Variants in TMEM161A observed in about 807,000 individuals in gnomAD.
The protein encoded by TMEM161A is adaptive response to oxidative stress protein 29.
In TMEM161A, 46 loss-of-function variants were observed where a neutral mutation model predicts 57.1. The observed-to-expected ratio is 0.81, with a 90% CI of 0.64 to 1.03. The LOEUF (loss-of-function observed/expected upper bound fraction) is 1.03, where lower values mean the gene tolerates loss of function less well. TMEM161A is among the 50% of genes least tolerant of loss of function. The pLI is 0.00. For missense variants in TMEM161A, 601 were observed against 621.5 expected (o/e 0.97, Z 0.35); for synonymous variants, 288 against 279.0 (o/e 1.03, Z -0.32).
intron 6 of TMEM161A, among the ~76,000 whole-genome samples, chr19:19,122,288 C>A (rs1342696849): frequency 6.6e-6 from 1 of 151,972 alleles, no homozygotes; most frequent in Non-Finnish European, 1.5e-5. Context: ...GAGTGAAACT[C>A]AGTCTCAAAG....
At chr19:19,124,501 G>T (rs2059922752) in intron 6 of TMEM161A, among the ~76,000 whole-genome samples, 1 of 152,170 alleles carries the variant, frequency 6.6e-6, no homozygotes. Flanking sequence ...CTGTGCAATT[G>T]AGCTAGAAAT....
chr19:19,138,374 C>T lies in TMEM161A; in HGVS notation c.3+52G>A, dbSNP rs1001499764. 1.9e-6 allele frequency: 3 copies of T among 1,585,254 alleles called. No individual in the cohort carries two copies. In the African/African-American group the frequency reaches 4.1e-5, roughly 21 times the overall value. On this transcript the variant is annotated intron_variant, in intron 1 of 11. Coordinates refer to ENST00000162044, the MANE Select transcript of TMEM161A (RefSeq NM_017814.3). ...CCCTCAGTGTCTCCCTGGACCCCTT[C>T]GGCTGGACCTCGGCCCTGCAGAACC...
At chr19:19,123,150 A>G (rs2059917989) in intron 6 of TMEM161A, among the ~76,000 whole-genome samples, 1 of 152,226 alleles carries the variant, frequency 6.6e-6, no homozygotes, top group Non-Finnish European at 1.5e-5. Context: ...CAGAAAAACA[A>G]GTAGGTGAGA....
chr19:19,132,643 G>A lies in TMEM161A; in HGVS notation c.286+14C>T. 1 of 1,563,646 alleles carries A rather than the reference G, an allele frequency of 6.4e-7. No individual in the cohort carries two copies. Among genetic ancestry groups the A allele is most frequent in the Non-Finnish European group, 8.7e-7 (1 of 1,154,130 alleles). ...CTGAGGGAGTAGAGTTTAGGGATGG[G>A]ACTGGGCTATTACCCAGGGCATCCA... On this transcript the variant is annotated intron_variant, in intron 4 of 11. Transcript: ENST00000162044. This position sits in a 1 kb window ranked among gnomAD's most constrained non-coding sequence, Gnocchi z 4.3.
intron 1 of TMEM161A, among the ~76,000 whole-genome samples, chr19:19,136,003 C>T (rs1269327164): frequency 6.6e-6 from 1 of 151,714 alleles, no homozygotes; most frequent in Non-Finnish European, 1.5e-5. Flanking sequence ...TGTGCCAACA[C>T]ACCCAGCTAA....
At chr19:19,122,288 C>G (rs1342696849) in intron 6 of TMEM161A, among the ~76,000 whole-genome samples, 1 of 151,972 alleles carries the variant, frequency 6.6e-6, no homozygotes, top group Non-Finnish European at 1.5e-5. Context: ...GAGTGAAACT[C>G]AGTCTCAAAG....
chr19:19,133,497 A>G (rs1280864171), intron 2 of TMEM161A: 2 of 369,736 alleles, frequency 5.4e-6, no homozygotes, highest in Non-Finnish European at 4.9e-6. Context: ...TTTGAGACAG[A>G]GTCTCCCTCT....
At chr19:19,136,780 C>T (rs934302704) in intron 1 of TMEM161A, among the ~76,000 whole-genome samples, 9 of 151,920 alleles carry the variant, frequency 5.9e-5, no homozygotes, top group Non-Finnish European at 1.5e-5. Context: ...AGGTTGGTGG[C>T]GGCATCTTTC....
At chr19:19,122,766 C>A (rs1199228179) in intron 6 of TMEM161A, among the ~76,000 whole-genome samples, 966 of 117,722 alleles carry the variant, frequency 8.2e-3, no homozygotes, top group East Asian at 0.01. Context: ...AAGACCTTGT[C>A]AAAAAAAAAA....
At chr19:19,123,671 GA>G (rs1481461599) in intron 6 of TMEM161A, among the ~76,000 whole-genome samples, 1 of 152,144 alleles carries the variant, frequency 6.6e-6, no homozygotes, top group Non-Finnish European at 1.5e-5. Context: ...CTGGAAGACT[GA>G]AAGTAAAGGG....
intron 5 of TMEM161A, among the ~76,000 whole-genome samples, chr19:19,130,862 G>A (rs1568537500): frequency 6.6e-6 from 1 of 151,996 alleles, no homozygotes; most frequent in African/African-American, 2.4e-5. Flanking sequence ...GTTTGAAGCT[G>A]CAGTGAGCCC....
rs777661239 is a variant in TMEM161A at position 19,121,871 on chromosome 19, G to C, written c.596-52C>G. On this transcript the variant is annotated intron_variant, in intron 6 of 11. Transcript: ENST00000162044. The surrounding 1 kb of genome is among the most constrained non-coding windows in gnomAD (Gnocchi z 5.8). ...TAGAGTGAATTCCTAGGGTCTCTAA[G>C]GCCACTCTGTTCCCTAACCCCCCAT... The C allele has an allele frequency of 6.3e-7, 1 of 1,597,816 alleles. No homozygotes were observed. Among genetic ancestry groups the C allele is most frequent in the Non-Finnish European group, 8.6e-7 (1 of 1,169,360 alleles).
rs1447379280 is a variant in TMEM161A, at chr19:19,125,542, A to T, written c.596-3723T>A. Among the ~76,000 whole-genome samples, 4 of 109,468 alleles carry T rather than the reference A, an allele frequency of 3.7e-5. No individual in the cohort carries two copies. In the Admixed American group the frequency reaches 4.4e-4, roughly 12 times the overall value. The allele number at this position is 109,468 out of a possible 152,430, so 71.8% of individuals were successfully genotyped here. ...TTTTTTTTTTTTTTTTTTTAGACGGAGTCTCGCTCTGTTGCCCAGGCTGGA... is the reference window on the plus strand; with the variant it reads ...TTTTTTTTTTTTTTTTTTTAGACGGTGTCTCGCTCTGTTGCCCAGGCTGGA... On this transcript the variant is annotated intron_variant, in intron 6 of 11. Coordinates refer to ENST00000162044, the MANE Select transcript of TMEM161A (RefSeq NM_017814.3).
Position 19,132,538 on chromosome 19 carries a change from G to T in TMEM161A, c.287-30C>A. Reference sequence around the variant, plus strand: ...GGGGGGCACTCTGCTCAGCCCTGGGGCCCAGCTCGCTCCCCTCCTAATAGA... The same window carrying T: ...GGGGGGCACTCTGCTCAGCCCTGGGTCCCAGCTCGCTCCCCTCCTAATAGA... On this transcript the variant is annotated intron_variant, in intron 4 of 11. Coordinates refer to ENST00000162044, the MANE Select transcript of TMEM161A (RefSeq NM_017814.3). This position sits in a 1 kb window ranked among gnomAD's most constrained non-coding sequence, Gnocchi z 4.3. 1 of 1,605,324 alleles carries T rather than the reference G, an allele frequency of 6.2e-7. No individual in the cohort carries two copies. Among genetic ancestry groups the T allele is most frequent in the Non-Finnish European group, 8.5e-7 (1 of 1,175,390 alleles).
At position 19,138,455 on chromosome 19, in the gene TMEM161A, A is replaced by AC. The variant is rs2059993839; in HGVS notation, c.-28dup. ...ACGCGTGCGAGAACGCGGTGCACTC[A>AC]CCCACCGGCCTAGGGCTCCGGGCAC... On this transcript the variant is annotated 5_prime_UTR_variant, in exon 1 of 12. Coordinates refer to ENST00000162044, the MANE Select transcript of TMEM161A (RefSeq NM_017814.3). 3 of 1,595,530 alleles carry AC rather than the reference A, an allele frequency of 1.9e-6. No homozygotes were observed. The highest frequency in any genetic ancestry group is 2.6e-6 in the Non-Finnish European group (3 of 1,171,562).
At chr19:19,127,558 G>A (rs761994351) in intron 6 of TMEM161A, among the ~76,000 whole-genome samples, 5 of 151,842 alleles carry the variant, frequency 3.3e-5, no homozygotes, top group Non-Finnish European at 2.9e-5. Flanking sequence ...TCCTGACCTC[G>A]TGATCCGCCC....
chr19:19,121,850 G>A lies in TMEM161A; in HGVS notation c.596-31C>T. On this transcript the variant is annotated intron_variant, in intron 6 of 11. Transcript: ENST00000162044. The surrounding 1 kb of genome is among the most constrained non-coding windows in gnomAD (Gnocchi z 5.8). ...GACGATAAGAAGAGGACCGAGTAGA[G>A]TGAATTCCTAGGGTCTCTAAGGCCA... 3 of 1,612,214 alleles carry A rather than the reference G, an allele frequency of 1.9e-6. No homozygotes were observed. The highest frequency in any genetic ancestry group is 2.5e-6 in the Non-Finnish European group (3 of 1,179,388).
intron 6 of TMEM161A, among the ~76,000 whole-genome samples, chr19:19,124,728 G>A (rs934698441): frequency 1.1e-4 from 16 of 152,080 alleles, no homozygotes; most frequent in Admixed American, 6.6e-5. Flanking sequence ...GCCGAGGTGG[G>A]TGGATCACCT....
At chr19:19,133,250 G>A (rs959215467) in intron 2 of TMEM161A, 40 bp from the exon 3 acceptor site, 1 of 1,601,574 alleles carries the variant, frequency 6.2e-7, no homozygotes, top group Non-Finnish European at 8.5e-7. Context: ...CTCAGGCGTG[G>A]GGTTGGGAGG....
Sources: gnomAD v4.1 joint callset for allele counts (sites outside exome capture counted in the v4.1 genomes callset) on GRCh38, gnomAD v4.1.1 for gene constraint, Gnocchi (gnomAD v3.1) non-coding constraint, MANE v1.5 for transcripts, NCBI Gene and HGNC (gene_info 2026-07-23, HGNC 2026-07-21) for gene names.